Variants in SEC23B observed in about 807,000 individuals in gnomAD.
SEC23B encodes protein transport protein Sec23B.
A neutral mutation model predicts 104.3 loss-of-function variants in SEC23B; 77 were observed. That is an observed-to-expected ratio of 0.74 (90% CI 0.61 to 0.89). SEC23B has a LOEUF of 0.89. SEC23B is among the 40% of genes least tolerant of loss of function. The pLI is 0.00. For missense variants in SEC23B, 885 were observed against 949.4 expected (o/e 0.93, Z 0.89); for synonymous variants, 338 against 332.5 (o/e 1.02, Z -0.18).
rs1234175415 is a variant in SEC23B at position 18,532,688 on chromosome 20, G to A, written c.1258G>A (p.Gly420Arg). The change falls in exon 11 of 20, where the codon GGA becomes AGA. Residue 420 changes from glycine (G) to arginine (R), a missense_variant. Coordinates refer to ENST00000650089, the MANE Select transcript of SEC23B (RefSeq NM_006363.6). ...GACCTCTCGGGAACTGAAGATTGCAGGAGCCATTGGTCCATGCGTATCTCT... is the reference window on the plus strand; with the variant it reads ...GACCTCTCGGGAACTGAAGATTGCAAGAGCCATTGGTCCATGCGTATCTCT... ...VKTSRELKIA[G>R]AIGPCVSLNV... The A allele has an allele frequency of 1.2e-6, 2 of 1,613,836 alleles. No individual in the cohort carries two copies. The highest frequency in any genetic ancestry group is 2.2e-5 in the South Asian group (2 of 91,074).
At chr20:18,513,532 G>A (rs947746337) in intron 3 of SEC23B, among the ~76,000 whole-genome samples, 2 of 152,158 alleles carry the variant, frequency 1.3e-5, no homozygotes, top group Non-Finnish European at 1.5e-5. Context: ...AGTGTACACT[G>A]TTCTAACAGA....
At chr20:18,543,763 G>T (rs1358727659) in intron 14 of SEC23B, among the ~76,000 whole-genome samples, 1 of 152,196 alleles carries the variant, frequency 6.6e-6, no homozygotes, top group Non-Finnish European at 1.5e-5. Flanking sequence ...ATGGCTTGGT[G>T]AGTCTTTTGC....
rs149796355 is a variant in SEC23B at position 18,545,290 on chromosome 20, T to G, written c.1666-666T>G. Among the ~76,000 whole-genome samples the G allele has an allele frequency of 1.8e-3, 275 of 151,582 alleles. 2 individuals are homozygous for G. In the Middle Eastern group the frequency reaches 0.027, roughly 15 times the overall value. ...AACCATTGAAGAAGGCAGAAAAGGG[T>G]TGGTTGGAGAGATTATGAGAAATAG... On this transcript the variant is annotated intron_variant, in intron 14 of 19. Transcript: ENST00000650089.
At chr20:18,512,311 T>C (rs370215318) in intron 3 of SEC23B, 29 bp downstream of exon 3, 12 of 1,381,122 alleles carry the variant, frequency 8.7e-6, no homozygotes, top group African/African-American at 7.2e-5. Context: ...AAAAATGTTA[T>C]ATGTTTTATT....
chr20:18,525,824 C>T lies in SEC23B; in HGVS notation c.726C>T (p.Leu242=). The T allele has an allele frequency of 6.2e-7, 1 of 1,614,180 alleles. No homozygotes were observed. The highest frequency in any genetic ancestry group is 8.5e-7 in the Non-Finnish European group (1 of 1,180,030). The change falls in exon 7 of 20, where the codon CTC becomes CTT. Residue 242 remains leucine (L), a synonymous_variant. Transcript: ENST00000650089. ...CTGTTCACAAGATTGATATGAACCT[C>T]ACTGATCTTCTTGGGGAGCTACAGA... ...LQPVHKIDMN[L]TDLLGELQRD... is the part of the protein sequence containing the mutation.
intron 14 of SEC23B, among the ~76,000 whole-genome samples, chr20:18,543,853 G>C (rs776031387): frequency 3.3e-5 from 5 of 152,188 alleles, no homozygotes; most frequent in Non-Finnish European, 5.9e-5. Flanking sequence ...CCACCCTCCA[G>C]GGTGCCAGGG....
chr20:18,538,166 A>G (rs539821399), intron 12 of SEC23B, among the ~76,000 whole-genome samples: 1 of 151,780 alleles, frequency 6.6e-6, no homozygotes, highest in South Asian at 2.1e-4. Flanking sequence ...CTGGTCTTGA[A>G]CTGACCTCAA....
chr20:18,513,178 G>A (rs184057161), intron 3 of SEC23B, among the ~76,000 whole-genome samples: 101 of 150,208 alleles, frequency 6.7e-4, no homozygotes, highest in African/African-American at 2.2e-3. Flanking sequence ...GCAAGACTCC[G>A]TCTCAAAATA....
chr20:18,529,496 G>A (rs951666145), intron 9 of SEC23B, among the ~76,000 whole-genome samples: 28 of 152,166 alleles, frequency 1.8e-4, no homozygotes, highest in Non-Finnish European at 4.4e-5. Flanking sequence ...TTTCTCTGGC[G>A]GTAGGCAGTC....
rs554828423 is a variant in SEC23B at position 18,516,743 on chromosome 20, CG to C, written c.366+1011del. The stretch of plus-strand genomic sequence containing the variant: ...ATTTTTTTAATATTTTTAGTAGAGA[CG>C]GGGTTTCACCATGTTAGCCAGGATG... On this transcript the variant is annotated intron_variant, in intron 4 of 19. Transcript: ENST00000650089. 3.6e-3 allele frequency among the ~76,000 whole-genome samples: 543 copies of C among 151,708 alleles called. 1 individual carries two copies. Among genetic ancestry groups the C allele is most frequent in the Middle Eastern group, 0.014 (4 of 294 alleles).
At chr20:18,534,395 T>C (rs2060210520) in intron 11 of SEC23B, among the ~76,000 whole-genome samples, 1 of 152,194 alleles carries the variant, frequency 6.6e-6, no homozygotes, top group South Asian at 2.1e-4. Context: ...CTTTGTAAAG[T>C]GAGAGTCTGG....
Position 18,546,903 on chromosome 20 carries a change from GTTTTT to G in SEC23B, c.1743+892_1743+896del, listed in dbSNP as rs58809009. Among the ~76,000 whole-genome samples, 129 of 115,482 alleles carry G rather than the reference GTTTTT, an allele frequency of 1.1e-3. 3 individuals carry two copies. Among genetic ancestry groups the G allele is most frequent in the East Asian group, 1.0e-2 (36 of 3,602 alleles). 75.8% of individuals were successfully genotyped at this position (115,482 alleles called of 152,430 possible). ...AGTTGGTCTGGTGAAGTGGTTTGCA[GTTTTT>G]TTTTTTTTTTTTTTTTTTTTTAAAG... On this transcript the variant is annotated intron_variant, in intron 15 of 19. Coordinates refer to ENST00000650089, the MANE Select transcript of SEC23B (RefSeq NM_006363.6).
At chr20:18,523,397 C>CTTTTTTTTTTTTT (rs112136906) in intron 4 of SEC23B, among the ~76,000 whole-genome samples, 2 of 130,554 alleles carry the variant, frequency 1.5e-5, no homozygotes, top group African/African-American at 2.8e-5. Flanking sequence ...TCTTTCCTTT[C>CTTTTTTTTTTTTT]TTTTTTTTTT....
At chr20:18,517,388 C>T (rs1177722750) in intron 4 of SEC23B, among the ~76,000 whole-genome samples, 1 of 152,160 alleles carries the variant, frequency 6.6e-6, no homozygotes, top group Non-Finnish European at 1.5e-5. Context: ...TTACAAAGTA[C>T]ATTGATCAGT....
At position 18,543,019 on chromosome 20, in the gene SEC23B, T is replaced by C. The variant is rs138198461; in HGVS notation, c.1512T>C (p.Asn504=). 3.1e-3 allele frequency: 4,931 copies of C among 1,614,136 alleles called. 10 individuals carry two copies. The highest frequency in any genetic ancestry group is 3.4e-3 in the Non-Finnish European group (4,012 of 1,180,006). The stretch of plus-strand genomic sequence containing the variant: ...ATGGCACTAACTCTGGAATTGTCAG[T>C]TGGGCAGATGTACAGAGTCAGCTCA... ...RRIRVTTIAR[N]WADVQSQLRH... The change falls in exon 14 of 20, where the codon AAT becomes AAC. Residue 504 remains asparagine, a splice_region_variant and synonymous_variant. Transcript: ENST00000650089.
chr20:18,560,096 T>TTGTGTG (rs10691267), intron 19 of SEC23B, among the ~76,000 whole-genome samples: 14 of 150,138 alleles, frequency 9.3e-5, no homozygotes, highest in African/African-American at 3.2e-4. Context: ...AAGTGTATTA[T>TTGTGTG]TGTGTGTGTG....
intron 4 of SEC23B, among the ~76,000 whole-genome samples, chr20:18,518,648 G>A (rs895235759): frequency 2.2e-5 from 3 of 135,982 alleles, no homozygotes; most frequent in African/African-American, 8.2e-5. Context: ...ATTGATAGGT[G>A]GAAACTTCAG....
intron 15 of SEC23B, among the ~76,000 whole-genome samples, chr20:18,547,734 C>G (rs1443172065): frequency 2.0e-5 from 3 of 152,210 alleles, no homozygotes; most frequent in South Asian, 4.1e-4. Context: ...CCCTCCACCC[C>G]CACTCCCCAC....
chr20:18,518,761 C>T (rs1600232651), intron 4 of SEC23B, among the ~76,000 whole-genome samples: 1 of 151,958 alleles, frequency 6.6e-6, no homozygotes, highest in African/African-American at 2.4e-5. Context: ...TCAGCAGAAG[C>T]GTTGCCCTGG....
Sources: gnomAD v4.1 joint callset for allele counts (sites outside exome capture counted in the v4.1 genomes callset) on GRCh38, gnomAD v4.1.1 for gene constraint, MANE v1.5 for transcripts, NCBI Gene and HGNC (gene_info 2026-07-23, HGNC 2026-07-21) for gene names.